Variants in SCN1A observed in about 807,000 individuals in gnomAD.
The protein encoded by SCN1A is sodium channel protein type 1 subunit alpha.
A neutral mutation model predicts 193.7 loss-of-function variants in SCN1A; 13 were observed. The ratio of observed to expected loss-of-function variants is 0.07; its 90% CI spans 0.04 to 0.11. The LOEUF (loss-of-function observed/expected upper bound fraction) is 0.11. Ranked by LOEUF, SCN1A falls within the 10% of genes least tolerant of loss-of-function variation. The probability of loss-of-function intolerance (pLI) is 1.00; values close to 1 mark genes in which losing one functional copy is unlikely to be tolerated. For missense variants in SCN1A, 1,432 were observed against 2,451.1 expected, an observed-to-expected ratio of 0.58 and a Z score of 8.78; for synonymous variants, 781 against 843.6, an observed-to-expected ratio of 0.93 and a Z score of 1.29.
chr2:166,117,662 A>G (rs1055790394), intron 2 of SCN1A, among the ~76,000 whole-genome samples: 2 of 152,252 alleles, frequency 1.3e-5, no homozygotes, highest in African/African-American at 2.4e-5. Context: ...ATGCAAGAGC[A>G]TCTGTGGACC....
At chr2:165,996,928 T>TAA (rs573743315) in intron 26 of SCN1A, among the ~76,000 whole-genome samples, 109 of 151,518 alleles carry the variant, frequency 7.2e-4, no homozygotes, top group Non-Finnish European at 1.4e-3. Flanking sequence ...ATAAAAGTCA[T>TAA]AACAATTAAG....
chr2:166,035,674 G>C (rs1696232485), intron 19 of SCN1A, among the ~76,000 whole-genome samples: 3 of 152,044 alleles, frequency 2.0e-5, no homozygotes, highest in Non-Finnish European at 1.5e-5. Context: ...CCTACAGTTG[G>C]GCAAAATCAT....
At chr2:166,104,196 T>A (rs1688440998) in intron 2 of SCN1A, 1 of 152,198 alleles carries the variant, frequency 6.6e-6, no homozygotes, top group Non-Finnish European at 1.5e-5. Flanking sequence ...GAACTAGAGT[T>A]TAGTCAAAAT....
At chr2:166,018,777 G>A (rs547885136) in intron 19 of SCN1A, among the ~76,000 whole-genome samples, 50 of 152,052 alleles carry the variant, frequency 3.3e-4, no homozygotes, top group African/African-American at 1.2e-3. Flanking sequence ...GGACATACAC[G>A]AACTCTACCC....
At chr2:166,146,111 T>A (rs1458709921) in intron 1 of SCN1A, among the ~76,000 whole-genome samples, 1 of 152,114 alleles carries the variant, frequency 6.6e-6, no homozygotes, top group Non-Finnish European at 1.5e-5. Context: ...GACAGAGTGG[T>A]TAGGTGTAGT....
intron 5 of SCN1A, among the ~76,000 whole-genome samples, chr2:166,058,165 T>C (rs576076626): frequency 1.3e-5 from 2 of 152,196 alleles, no homozygotes; most frequent in Admixed American, 1.3e-4. Context: ...TTTTATATCA[T>C]AACTATGGAT....
intron 25 of SCN1A, chr2:165,999,104 A>G (rs1241789659): frequency 2.0e-5 from 3 of 151,472 alleles, no homozygotes; most frequent in Non-Finnish European, 3.0e-5. Flanking sequence ...TAGGTCTTGG[A>G]GCCTGAAAGA....
chr2:166,027,015 T>C (rs1490764372), intron 19 of SCN1A: 1 of 152,246 alleles, frequency 6.6e-6, no homozygotes, highest in Non-Finnish European at 1.5e-5. Flanking sequence ...AATTTCTAAA[T>C]AGGCTAGTTT....
intron 2 of SCN1A, among the ~76,000 whole-genome samples, chr2:166,082,348 C>T (rs1417483282): frequency 6.6e-6 from 1 of 151,942 alleles, no homozygotes; most frequent in Non-Finnish European, 1.5e-5. Flanking sequence ...ACTCCCAAAC[C>T]AGTGTCTGCC....
At chr2:166,074,616 C>G (rs1347241984) in intron 3 of SCN1A, among the ~76,000 whole-genome samples, 1 of 152,140 alleles carries the variant, frequency 6.6e-6, no homozygotes, top group Non-Finnish European at 1.5e-5. Context: ...CGCCAAATCC[C>G]AAATGTATTG....
intron 2 of SCN1A, among the ~76,000 whole-genome samples, chr2:166,095,036 G>A (rs1394685434): frequency 6.6e-6 from 1 of 152,104 alleles, no homozygotes; most frequent in Non-Finnish European, 1.5e-5. Flanking sequence ...TTGTAAGTCA[G>A]ATCAAATAAT....
intron 19 of SCN1A, among the ~76,000 whole-genome samples, chr2:166,024,691 C>A (rs937095164): frequency 6.6e-6 from 1 of 152,080 alleles, no homozygotes; most frequent in African/African-American, 2.4e-5. Context: ...TGAGACAGGT[C>A]TCATTCTGTC....
chr2:165,996,234 AATT>A, intron 26 of SCN1A, 117 bp from the exon 27 acceptor site: 1 of 643,912 alleles, frequency 1.6e-6, no homozygotes, highest in Non-Finnish European at 2.7e-6. Context: ...TGATTAGTAT[AATT>A]ATATCTGGGA....
intron 4 of SCN1A, among the ~76,000 whole-genome samples, chr2:166,063,488 G>C (rs892901237): frequency 6.6e-6 from 1 of 151,992 alleles, no homozygotes; most frequent in Non-Finnish European, 1.5e-5. Context: ...TAACTGTTTA[G>C]TACAATATTT....
intron 2 of SCN1A, among the ~76,000 whole-genome samples, chr2:166,110,752 T>C (rs1475668319): frequency 6.6e-6 from 1 of 152,152 alleles, no homozygotes; most frequent in Non-Finnish European, 1.5e-5. Flanking sequence ...CCAAATCTCA[T>C]CTTGAATTGT....
At chr2:166,107,866 G>C (rs1458575121) in intron 2 of SCN1A, among the ~76,000 whole-genome samples, 1 of 152,022 alleles carries the variant, frequency 6.6e-6, no homozygotes, top group Non-Finnish European at 1.5e-5. Context: ...AAAAATATGA[G>C]TAAATATGGT....
intron 23 of SCN1A, among the ~76,000 whole-genome samples, chr2:166,006,146 T>C (rs1691622286): frequency 6.6e-6 from 1 of 151,298 alleles, no homozygotes; most frequent in Admixed American, 6.6e-5. Flanking sequence ...AGTGCTTCTC[T>C]AATAGAAATA....
Position 166,043,904 on chromosome 2 carries a change from C to A in SCN1A, c.1808G>T (p.Ser603Ile). Reference sequence around the variant, plus strand: ...GGGCACAAACAAGGAATCTCTACGGCTCTCGTTATCCTCAAAGGTGCTGTG... The same window carrying A: ...GGGCACAAACAAGGAATCTCTACGGATCTCGTTATCCTCAAAGGTGCTGTG... ...DEHSTFEDNESRRDSLFVPRR... is the reference protein window; with the variant it reads ...DEHSTFEDNEIRRDSLFVPRR... The change falls in exon 14 of 29, where the codon AGC becomes ATC. Residue 603 changes from serine (S) to isoleucine (I), a missense_variant. This residue lies in a region of SCN1A where 316 missense variants were observed against 362.1 expected (regional missense o/e 0.87). Coordinates refer to ENST00000674923, the MANE Select transcript of SCN1A (RefSeq NM_001165963.4). 5.6e-6 allele frequency: 9 copies of A among 1,614,154 alleles called. No individual in the cohort carries two copies. Among genetic ancestry groups the A allele is most frequent in the Non-Finnish European group, 7.6e-6 (9 of 1,180,016 alleles).
chr2:166,064,873 G>A (rs78231823), intron 4 of SCN1A, among the ~76,000 whole-genome samples: 4,049 of 152,242 alleles, frequency 0.027, 172 homozygotes, highest in African/African-American at 0.09. Flanking sequence ...ACAGGAAGGT[G>A]AGCTATGATG....
Sources: gnomAD v4.1 joint callset for allele counts (sites outside exome capture counted in the v4.1 genomes callset) on GRCh38, gnomAD v4.1.1 for gene constraint, gnomAD v4.1.1 regional missense constraint, MANE v1.5 for transcripts, NCBI Gene and HGNC (gene_info 2026-07-23, HGNC 2026-07-21) for gene names.